SHANK2: variants seen among roughly 807,000 people sequenced by gnomAD.
SHANK2 encodes SH3 and multiple ankyrin repeat domains 2.
In SHANK2, 43 loss-of-function variants were observed where a neutral mutation model predicts 133.7. The ratio of observed to expected loss-of-function variants is 0.32; its 90% CI spans 0.25 to 0.41. SHANK2 has a LOEUF of 0.41. Among genes scored for constraint, SHANK2 ranks in the 10% least tolerant of loss-of-function variants. The pLI, the probability that SHANK2 is intolerant of heterozygous loss-of-function variation, is 1.00. For missense variants in SHANK2, 1,994 were observed against 2,235.8 expected, an observed-to-expected ratio of 0.89 and a Z score of 2.18; for synonymous variants, 1,017 against 952.8, an observed-to-expected ratio of 1.07 and a Z score of -1.24.
At chr11:70,897,111 A>G (rs1316792144) in intron 10 of SHANK2, among the ~76,000 whole-genome samples, 1 of 152,218 alleles carries the variant, frequency 6.6e-6, no homozygotes, top group Non-Finnish European at 1.5e-5. Flanking sequence ...CACCTACAGG[A>G]AATTGTTCCA....
chr11:70,823,282 C>A (rs868955040), intron 11 of SHANK2, among the ~76,000 whole-genome samples: 1 of 111,316 alleles, frequency 9.0e-6, no homozygotes, highest in Non-Finnish European at 1.8e-5. Context: ...ACAGAGGTGG[C>A]GCTGGCAGAG....
chr11:70,745,943 C>T (rs550639537), intron 14 of SHANK2, among the ~76,000 whole-genome samples: 1 of 152,242 alleles, frequency 6.6e-6, no homozygotes, highest in Non-Finnish European at 1.5e-5. Flanking sequence ...GGATGTGAAA[C>T]CATTTGGGCG....
At chr11:70,609,356 C>T (rs1206844643) in intron 17 of SHANK2, among the ~76,000 whole-genome samples, 1 of 152,180 alleles carries the variant, frequency 6.6e-6, no homozygotes, top group Non-Finnish European at 1.5e-5. Flanking sequence ...AAATTAGAGA[C>T]CCCCAGAAAG....
At position 70,722,446 on chromosome 11, in the gene SHANK2, A is replaced by C. The variant is rs369103298; in HGVS notation, c.1778-23683T>G. ...CCCTTTCTGCTCCTCCAGCCTTTCC[A>C]ACAGTTTTGGAAACAATTTCCTGAT... On this transcript the variant is annotated intron_variant, in intron 14 of 25. Coordinates refer to ENST00000601538, the MANE Select transcript of SHANK2 (RefSeq NM_012309.5). 3.3e-5 allele frequency among the ~76,000 whole-genome samples: 5 copies of C among 152,290 alleles called. No homozygotes were observed. In the East Asian group the frequency reaches 7.7e-4, roughly 24 times the overall value.
In SHANK2 at chr11:71,236,074, G is replaced by A. The variant is rs1954822973; in HGVS notation, c.-112-11278C>T. On this transcript the variant is annotated intron_variant, in intron 1 of 25. Coordinates refer to ENST00000601538, the MANE Select transcript of SHANK2 (RefSeq NM_012309.5). ...GCTCAGCCTCCTCCGCCCCCTCCAT[G>A]GACACTGTTTGTTTCAAAGGCAGGA... 2.0e-5 allele frequency among the ~76,000 whole-genome samples: 3 copies of A among 152,096 alleles called. No homozygotes were observed. In the South Asian group the frequency reaches 6.2e-4, roughly 32 times the overall value.
At chr11:70,853,354 G>A (rs1303823748) in intron 11 of SHANK2, among the ~76,000 whole-genome samples, 2 of 152,234 alleles carry the variant, frequency 1.3e-5, no homozygotes, top group African/African-American at 4.8e-5. Context: ...GAGAGGGTGT[G>A]AGTCACAGCG....
rs2058579086 is a variant in SHANK2, at chr11:70,470,049, AACAT to A, written c.*2816_*2819del. 1 of 152,660 alleles carries A rather than the reference AACAT, an allele frequency of 6.6e-6. No individual in the cohort carries two copies. The highest frequency in any genetic ancestry group is 6.5e-5 in the Admixed American group (1 of 15,292). 9.5% of individuals were successfully genotyped at this position (152,660 alleles called of 1,614,324 possible). The stretch of plus-strand genomic sequence containing the variant: ...AACATGATCTTTAGATGAGCAGTTT[AACAT>A]TTGTTCCACCATTAAAGAGGGGCAT... On this transcript the variant is annotated 3_prime_UTR_variant, in exon 26 of 26. Coordinates refer to ENST00000601538, the MANE Select transcript of SHANK2 (RefSeq NM_012309.5).
intron 11 of SHANK2, among the ~76,000 whole-genome samples, chr11:70,865,561 A>T (rs530998748): frequency 6.6e-6 from 1 of 152,166 alleles, no homozygotes; most frequent in African/African-American, 2.4e-5. Context: ...CCAACCGCCC[A>T]TTGGATGGAG....
rs1196217864 is a variant in SHANK2 at position 70,792,268 on chromosome 11, T to TAGCC, written c.1777+6171_1777+6174dup. The stretch of plus-strand genomic sequence containing the variant: ...TCAACCAACCAACCAACCAGCCAGC[T>TAGCC]AGCCAGCCAGCCAGCCAAGCAATCA... On this transcript the variant is annotated intron_variant, in intron 14 of 25. Transcript: ENST00000601538. 2.4e-4 allele frequency among the ~76,000 whole-genome samples: 33 copies of TAGCC among 135,184 alleles called. No homozygotes were observed. In the Middle Eastern group the frequency reaches 0.018, roughly 73 times the overall value. 88.7% of individuals were successfully genotyped at this position (135,184 alleles called of 152,430 possible).
chr11:70,871,032 C>T (rs1949451962), intron 11 of SHANK2, among the ~76,000 whole-genome samples: 1 of 152,210 alleles, frequency 6.6e-6, no homozygotes, highest in South Asian at 2.1e-4. Flanking sequence ...TCCGCCTCAG[C>T]CTCCCAAAGT....
chr11:71,163,935 A>G lies in SHANK2; in HGVS notation c.-12-16597T>C, dbSNP rs529445735. 3.3e-5 allele frequency among the ~76,000 whole-genome samples: 5 copies of G among 152,356 alleles called. No homozygotes were observed. In the South Asian group the frequency reaches 1.0e-3, roughly 32 times the overall value. ...ATTTTTCTAGAGCAGGTTTAGGTGT[A>G]TAGGAAACTCAGCTGATAGTACAGA... is the stretch of plus-strand genomic sequence containing the variant. On this transcript the variant is annotated intron_variant, in intron 2 of 25. Transcript: ENST00000601538.
intron 3 of SHANK2, among the ~76,000 whole-genome samples, chr11:71,143,751 G>A (rs1175123256): frequency 2.0e-5 from 3 of 151,998 alleles, no homozygotes; most frequent in African/African-American, 7.3e-5. Flanking sequence ...TAGTAAATAT[G>A]GCATCTTTAA....
chr11:70,587,673 G>A (rs1000926217), intron 17 of SHANK2, among the ~76,000 whole-genome samples: 4 of 150,728 alleles, frequency 2.7e-5, no homozygotes, highest in Admixed American at 1.3e-4. Flanking sequence ...GAAGGTTTAT[G>A]GCAACCCATT....
chr11:71,073,156 C>CTTTT (rs1198101078), intron 9 of SHANK2, among the ~76,000 whole-genome samples: 2 of 40,778 alleles, frequency 4.9e-5, no homozygotes, highest in African/African-American at 6.8e-5. Context: ...TCTTTTTTTT[C>CTTTT]TTTTTTTTCT....
At chr11:71,246,913 T>C (rs1954968365) in intron 1 of SHANK2, among the ~76,000 whole-genome samples, 1 of 152,184 alleles carries the variant, frequency 6.6e-6, no homozygotes, top group Admixed American at 6.5e-5. Context: ...GTAATATATT[T>C]ATAGTTTTTG....
chr11:70,638,365 C>T (rs947097952), intron 17 of SHANK2, among the ~76,000 whole-genome samples: 5 of 152,338 alleles, frequency 3.3e-5, no homozygotes, highest in Admixed American at 1.3e-4. Context: ...TCTATTGTCA[C>T]GGAACCCTGC....
intron 17 of SHANK2, among the ~76,000 whole-genome samples, chr11:70,515,637 GAAAAAAAA>G (rs58440823): frequency 0.011 from 842 of 79,964 alleles, 3 homozygotes; most frequent in Non-Finnish European, 0.015. Context: ...CTCGTTCCTT[GAAAAAAAA>G]AAAAAAAAAA....
chr11:70,618,267 C>T (rs1416860464), intron 17 of SHANK2, among the ~76,000 whole-genome samples: 1 of 147,724 alleles, frequency 6.8e-6, no homozygotes, highest in Non-Finnish European at 1.5e-5. Context: ...GCACTCCAGC[C>T]TGGGCAACAG....
chr11:70,734,188 A>G (rs969707671), intron 14 of SHANK2, among the ~76,000 whole-genome samples: 4 of 152,158 alleles, frequency 2.6e-5, no homozygotes, highest in African/African-American at 9.7e-5. Context: ...CAGGTGCGGC[A>G]GGGGCAAGGG....
Sources: gnomAD v4.1 joint callset for allele counts (sites outside exome capture counted in the v4.1 genomes callset) on GRCh38, gnomAD v4.1.1 for gene constraint, MANE v1.5 for transcripts, NCBI Gene and HGNC (gene_info 2026-07-23, HGNC 2026-07-21) for gene names.